SUSD1: variants seen among roughly 807,000 people sequenced by gnomAD.
The protein encoded by SUSD1 is sushi domain-containing protein 1.
A neutral mutation model predicts 86.9 loss-of-function variants in SUSD1; 65 were observed. The observed-to-expected ratio is 0.75, with a 90% confidence interval of 0.61 to 0.92. SUSD1 has a LOEUF of 0.92. SUSD1 is among the 40% of genes least tolerant of loss of function. The pLI, the probability that SUSD1 is intolerant of heterozygous loss-of-function variation, is 0.00. For missense variants in SUSD1, 850 were observed against 929.7 expected, an observed-to-expected ratio of 0.91 and a Z score of 1.11; for synonymous variants, 346 against 350.0, an observed-to-expected ratio of 0.99 and a Z score of 0.13.
At chr9:112,159,036 G>A (rs919372611) in intron 1 of SUSD1, among the ~76,000 whole-genome samples, 1 of 151,448 alleles carries the variant, frequency 6.6e-6, no homozygotes, top group African/African-American at 2.4e-5. Context: ...ATGTGTTTAA[G>A]ATGACAGTGA....
At chr9:112,155,640 A>T (rs1246962882) in intron 2 of SUSD1, among the ~76,000 whole-genome samples, 1 of 151,390 alleles carries the variant, frequency 6.6e-6, no homozygotes, top group Non-Finnish European at 1.5e-5. Context: ...TTTTTAAGAG[A>T]TGGGATCTTG....
intron 1 of SUSD1, among the ~76,000 whole-genome samples, chr9:112,164,972 C>CA (rs1564356737): frequency 6.6e-6 from 1 of 152,000 alleles, no homozygotes; most frequent in Non-Finnish European, 1.5e-5. Flanking sequence ...AACAAACAAA[C>CA]AAAAAAATAC....
At chr9:112,064,323 G>A (rs906642913) in intron 12 of SUSD1, among the ~76,000 whole-genome samples, 2 of 152,242 alleles carry the variant, frequency 1.3e-5, no homozygotes, top group Admixed American at 1.3e-4. Flanking sequence ...ATTCTCATAA[G>A]AGCATGAACC....
At chr9:112,068,192 G>A (rs938549239) in intron 12 of SUSD1, among the ~76,000 whole-genome samples, 1 of 152,148 alleles carries the variant, frequency 6.6e-6, no homozygotes, top group Non-Finnish European at 1.5e-5. Flanking sequence ...CACTGTGGAT[G>A]TGAGGAGGAA....
intron 8 of SUSD1, among the ~76,000 whole-genome samples, chr9:112,107,254 C>CA (rs71382407): frequency 0.19 from 12,824 of 65,888 alleles, 984 homozygotes; most frequent in East Asian, 0.35. Flanking sequence ...GACCATATCT[C>CA]AAAAAAAAAA....
At chr9:112,078,410 G>T in intron 12 of SUSD1, 128 bp downstream of exon 12, 3 of 897,802 alleles carry the variant, frequency 3.3e-6, no homozygotes, top group African/African-American at 1.7e-5. Context: ...CCAATTCCAT[G>T]TCCTTCCTCC....
intron 15 of SUSD1, among the ~76,000 whole-genome samples, chr9:112,043,022 C>A (rs567137492): frequency 4.6e-5 from 7 of 152,218 alleles, no homozygotes; most frequent in African/African-American, 1.4e-4. Flanking sequence ...TCCAAGTTGC[C>A]CCTGTTCATT....
intron 1 of SUSD1, among the ~76,000 whole-genome samples, chr9:112,158,998 A>AT (rs55749299): frequency 0.55 from 81,724 of 148,856 alleles, 24,312 homozygotes; most frequent in African/African-American, 0.81. Context: ...TACCCTACTC[A>AT]TTTTTTTTTT....
chr9:112,051,782 T>C (rs1828224448), intron 15 of SUSD1, among the ~76,000 whole-genome samples: 1 of 152,174 alleles, frequency 6.6e-6, no homozygotes, highest in Non-Finnish European at 1.5e-5. Flanking sequence ...AGCTCTTGTA[T>C]TGGCTTTTCG....
intron 8 of SUSD1, among the ~76,000 whole-genome samples, chr9:112,108,071 C>T (rs1830924875): frequency 1.3e-5 from 2 of 152,196 alleles, no homozygotes; most frequent in African/African-American, 4.8e-5. Context: ...AACAACAACA[C>T]AGTATAAATG....
intron 2 of SUSD1, 82 bp downstream of exon 2, chr9:112,157,418 C>T: frequency 1.1e-6 from 1 of 911,820 alleles, no homozygotes; most frequent in Non-Finnish European, 1.7e-6. Flanking sequence ...AATGTTTTTC[C>T]CCAAGGACAT....
At chr9:112,109,031 C>T (rs1830976897) in intron 8 of SUSD1, among the ~76,000 whole-genome samples, 1 of 151,940 alleles carries the variant, frequency 6.6e-6, no homozygotes, top group South Asian at 2.1e-4. Context: ...AACCTATGAC[C>T]CCAGAGGAGA....
chr9:112,132,455 G>A (rs1334271979), intron 5 of SUSD1, among the ~76,000 whole-genome samples: 2 of 152,066 alleles, frequency 1.3e-5, no homozygotes, highest in South Asian at 2.1e-4. Context: ...AATCACATTC[G>A]AGTCAGTTTT....
intron 15 of SUSD1, 124 bp downstream of exon 15, chr9:112,052,275 C>T: frequency 6.3e-7 from 1 of 1,578,372 alleles, no homozygotes; most frequent in Non-Finnish European, 8.6e-7. Flanking sequence ...AAGCTCTTTG[C>T]TTAAAGTAGT....
chr9:112,159,101 C>T (rs144595390), intron 1 of SUSD1, among the ~76,000 whole-genome samples: 1 of 152,086 alleles, frequency 6.6e-6, no homozygotes, highest in African/African-American at 2.4e-5. Context: ...AAATAAACAG[C>T]AGAATTGTTT....
At chr9:112,141,702 TATATA>T (rs1369924116) in intron 5 of SUSD1, among the ~76,000 whole-genome samples, 2 of 146,664 alleles carry the variant, frequency 1.4e-5, no homozygotes, top group African/African-American at 2.5e-5. Flanking sequence ...ATATAAAAAA[TATATA>T]ATATATTACA....
intron 13 of SUSD1, 70 bp from the exon 14 acceptor site, chr9:112,058,756 T>G: frequency 6.4e-7 from 1 of 1,562,354 alleles, no homozygotes; most frequent in Non-Finnish European, 8.7e-7. Context: ...TCATATTTAT[T>G]GAGCACCTGC....
chr9:112,164,064 T>C (rs1833680789), intron 1 of SUSD1, among the ~76,000 whole-genome samples: 1 of 151,994 alleles, frequency 6.6e-6, no homozygotes, highest in Non-Finnish European at 1.5e-5. Flanking sequence ...GGCTATTTCA[T>C]GTAACTATTG....
At position 112,088,608 on chromosome 9, in the gene SUSD1, G is replaced by T. The variant is rs184204381; in HGVS notation, c.1475-8443C>A. On this transcript the variant is annotated intron_variant, in intron 10 of 16. Transcript: ENST00000374270. ...TCAGGACTAGCCTGGGCAATATAGG[G>T]AGAACCTGTCTCCACTAAAATAGAA... Among the ~76,000 whole-genome samples the T allele has an allele frequency of 7.0e-4, 106 of 152,196 alleles. 1 individual carries two copies. The highest frequency in any genetic ancestry group is 1.4e-3 in the Admixed American group (21 of 15,280).
Sources: gnomAD v4.1 joint callset for allele counts (sites outside exome capture counted in the v4.1 genomes callset) on GRCh38, gnomAD v4.1.1 for gene constraint, MANE v1.5 for transcripts, NCBI Gene and HGNC (gene_info 2026-07-23, HGNC 2026-07-21) for gene names.